IZUMO3: variants seen among roughly 807,000 people sequenced by gnomAD.
IZUMO3 encodes IZUMO family member 3, also known as izumo sperm-egg fusion protein 3.
IZUMO3 carries 36 observed loss-of-function variants against 28.4 expected under a neutral mutation model. That is an observed-to-expected ratio of 1.27 (90% CI 0.97 to 1.67). The LOEUF (loss-of-function observed/expected upper bound fraction) is 1.67. IZUMO3 is among the 40% of genes most tolerant of loss of function. IZUMO3 has a pLI of 0.00. For missense variants in IZUMO3, 387 were observed against 278.5 expected, an observed-to-expected ratio of 1.39 and a Z score of -2.77; for synonymous variants, 126 against 99.2, an observed-to-expected ratio of 1.27 and a Z score of -1.61.
rs759791458 is a variant in IZUMO3 at position 24,543,346 on chromosome 9, A to C, written c.603T>G (p.His201Gln). Residue 201 changes from histidine to glutamine, a missense_variant, in exon 7 of 7, where the codon CAT (histidine) becomes CAG (glutamine). His to Gln is a conservative substitution (Grantham distance 24, BLOSUM62 0). Transcript: ENST00000543880. ...AVLLFHFCIFHRRKMKAIRRS... is the reference protein window; with the variant it reads ...AVLLFHFCIFQRRKMKAIRRS... ...TTCGTATTGCCTTCATTTTCCTCCG[A>C]TGAAAGATGCAAAAATGGAATCTAG... The C allele has an allele frequency of 1.9e-6, 3 of 1,543,280 alleles. No individual in the cohort carries two copies. In the South Asian group the frequency reaches 3.6e-5, roughly 18 times the overall value.
intron 5 of IZUMO3, 140 bp downstream of exon 5, chr9:24,544,061 C>T: frequency 3.0e-6 from 2 of 670,762 alleles, no homozygotes; most frequent in South Asian, 1.8e-5. Context: ...ACCCAACACC[C>T]TAGCTCCATT....
At chr9:24,544,386 C>G in intron 4 of IZUMO3, 105 bp from the exon 5 acceptor site, 1 of 822,142 alleles carries the variant, frequency 1.2e-6, no homozygotes, top group South Asian at 1.5e-5. Context: ...TCCCAGGACT[C>G]TCAAGTTTGC....
At chr9:24,544,877 A>AT (rs1819549542) in intron 3 of IZUMO3, 95 bp downstream of exon 3, 2 of 1,334,220 alleles carry the variant, frequency 1.5e-6, no homozygotes, top group Non-Finnish European at 1.1e-6. Flanking sequence ...CCCATTCTAA[A>AT]TAACTCTATT....
At chr9:24,544,669 A>G in intron 4 of IZUMO3, 74 bp downstream of exon 4, 1 of 1,308,552 alleles carries the variant, frequency 7.6e-7, no homozygotes, top group Non-Finnish European at 1.1e-6. Flanking sequence ...GGTGGGAGAG[A>G]TAGGGCCATA....
intron 6 of IZUMO3, 31 bp downstream of exon 6, chr9:24,543,633 C>G: frequency 1.4e-6 from 2 of 1,424,894 alleles, no homozygotes; most frequent in Non-Finnish European, 1.9e-6. Context: ...GAATATTTGA[C>G]CCAGTGTTTA....
rs571259463 is a variant in IZUMO3 at position 24,545,690 on chromosome 9, G to C, written c.-41C>G. On this transcript the variant is annotated 5_prime_UTR_variant, in exon 1 of 7. Coordinates refer to ENST00000543880, the MANE Select transcript of IZUMO3 (RefSeq NM_001365008.2). ...CGCTCCCCGACAGCAGGTTGTCCTGGCAACTAGTTCACTTAGTTCCTTTTC... is the reference window on the plus strand; with the variant it reads ...CGCTCCCCGACAGCAGGTTGTCCTGCCAACTAGTTCACTTAGTTCCTTTTC... 6.5e-7 allele frequency: 1 copy of C among 1,534,810 alleles called. No homozygotes were observed. Among genetic ancestry groups the C allele is most frequent in the South Asian group, 1.2e-5 (1 of 83,954 alleles).
rs577395518 is a variant in IZUMO3, at chr9:24,544,927, C to G, written c.391+45G>C. On this transcript the variant is annotated intron_variant, in intron 3 of 6. Coordinates refer to ENST00000543880, the MANE Select transcript of IZUMO3 (RefSeq NM_001365008.2). Reference sequence around the variant, plus strand: ...CTTCCCTCATCCCGCATTTTCTATTCCCTTCATATAACTTCAGTGCTGTTA... The same window carrying G: ...CTTCCCTCATCCCGCATTTTCTATTGCCTTCATATAACTTCAGTGCTGTTA... The G allele has an allele frequency of 2.7e-5, 38 of 1,416,988 alleles. No individual in the cohort carries two copies. In the African/African-American group the frequency reaches 5.3e-4, roughly 20 times the overall value. The allele number at this position is 1,416,988 out of a possible 1,614,324, so 87.8% of individuals were successfully genotyped here.
In IZUMO3 at chr9:24,543,692, C is replaced by T. The variant is rs1344699052; in HGVS notation, c.553G>A (p.Ala185Thr). 1 of 1,549,072 alleles carries T rather than the reference C, an allele frequency of 6.5e-7. No individual in the cohort carries two copies. The highest frequency in any genetic ancestry group is 2.0e-5 in the Admixed American group (1 of 50,944). Residue 185 changes from alanine (A) to threonine (T), a missense_variant, in exon 6 of 7, where the codon GCT (alanine) becomes ACT (threonine). Coordinates refer to ENST00000543880, the MANE Select transcript of IZUMO3 (RefSeq NM_001365008.2). ...IALFLILLAT[A>T]VILGSAVLLF... is the part of the protein sequence containing the mutation. ...AACACAGCACTTCCCAGTATTACAGCTGTTGCCAGCAATATGAGAAATAGA... is the reference window on the plus strand; with the variant it reads ...AACACAGCACTTCCCAGTATTACAGTTGTTGCCAGCAATATGAGAAATAGA...
In IZUMO3 at chr9:24,543,160, C is replaced by A; in HGVS notation, c.*69G>T. On this transcript the variant is annotated 3_prime_UTR_variant, in exon 7 of 7. Transcript: ENST00000543880. ...ACTTTATGACCAAGAAAGGGTTTAC[C>A]TCCCAGTTTTGTACTTAGAGTCAAC... The A allele has an allele frequency of 8.0e-7, 1 of 1,253,774 alleles. No homozygotes were observed. Among genetic ancestry groups the A allele is most frequent in the African/African-American group, 1.5e-5 (1 of 64,928 alleles). 77.7% of individuals were successfully genotyped at this position (1,253,774 alleles called of 1,614,324 possible).
At position 24,545,867 on chromosome 9, in the gene IZUMO3, C is replaced by G; in HGVS notation, c.-218G>C. On this transcript the variant is annotated 5_prime_UTR_variant, in exon 1 of 7. Transcript: ENST00000543880. ...TTATCCTTCATTCTAGGAGAGGGAA[C>G]TGCCAGCTGGGGAGCGGATACCTGA... The G allele has an allele frequency of 6.6e-7, 1 of 1,517,260 alleles. No homozygotes were observed. Among genetic ancestry groups the G allele is most frequent in the Non-Finnish European group, 8.9e-7 (1 of 1,126,850 alleles). The allele number at this position is 1,517,260 out of a possible 1,614,324, so 94.0% of individuals were successfully genotyped here. A position where few individuals can be genotyped will look rare whatever the true frequency, so the allele number is the denominator to read the frequency against.
chr9:24,544,144 G>C (rs992295169), intron 5 of IZUMO3, 57 bp downstream of exon 5: 1 of 1,185,408 alleles, frequency 8.4e-7, no homozygotes. Context: ...AAATCAGTGA[G>C]CAACCCTGCT....
At chr9:24,543,389 A>G in intron 6 of IZUMO3, 22 bp from the exon 7 acceptor site, 1 of 1,504,358 alleles carries the variant, frequency 6.6e-7, no homozygotes. Context: ...AAAGAAAATA[A>G]TTCCAACTTC....
chr9:24,543,700 A>C lies in IZUMO3; in HGVS notation c.545T>G (p.Leu182Arg). Residue 182 changes from leucine (L) to arginine (R), a missense_variant, in exon 6 of 7, where the codon CTG (leucine) becomes CGG (arginine). Coordinates refer to ENST00000543880, the MANE Select transcript of IZUMO3 (RefSeq NM_001365008.2). The part of the protein sequence containing the change: ...NREIALFLIL[L>R]ATAVILGSAV... ...ACTTCCCAGTATTACAGCTGTTGCC[A>C]GCAATATGAGAAATAGAGCAATCTC... 1 of 1,549,660 alleles carries C rather than the reference A, an allele frequency of 6.5e-7. No individual in the cohort carries two copies. Among genetic ancestry groups the C allele is most frequent in the Non-Finnish European group, 8.7e-7 (1 of 1,146,308 alleles).
At chr9:24,544,452 T>C (rs1471764973) in intron 4 of IZUMO3, among the ~76,000 whole-genome samples, 171 bp from the exon 5 acceptor site, 1 of 152,134 alleles carries the variant, frequency 6.6e-6, no homozygotes, top group African/African-American at 2.4e-5. Flanking sequence ...GATCAAAATC[T>C]GTAAGTCTGA....
chr9:24,544,204 C>T lies in IZUMO3; in HGVS notation c.487G>A (p.Gly163Arg), dbSNP rs1436342077. The change falls in exon 5 of 7, where the codon GGA (glycine) becomes AGA (arginine). Residue 163 changes from glycine to arginine, a missense_variant. Gly to Arg is a moderately radical substitution (Grantham distance 125, BLOSUM62 -2). Coordinates refer to ENST00000543880, the MANE Select transcript of IZUMO3 (RefSeq NM_001365008.2). ...TCCATACCATGATCTTTGTTACCTC[C>T]ACAATATTCTCCTTTGAAGCACCTG... is the stretch of plus-strand genomic sequence containing the variant. Reference protein sequence around the residue: ...TNRCFKGEYCGDEDPRKAENR... With the variant: ...TNRCFKGEYCRDEDPRKAENR... 3.2e-6 allele frequency: 5 copies of T among 1,547,082 alleles called. No individual in the cohort carries two copies. Among genetic ancestry groups the T allele is most frequent in the African/African-American group, 1.4e-5 (1 of 72,954 alleles).
Position 24,543,073 on chromosome 9 carries a change from G to A in IZUMO3, c.*156C>T. 1.7e-6 allele frequency: 1 copy of A among 582,136 alleles called. No homozygotes were observed. The highest frequency in any genetic ancestry group is 2.7e-6 in the Non-Finnish European group (1 of 363,882). The allele number at this position is 582,136 out of a possible 1,614,324, so 36.1% of individuals were successfully genotyped here. A position where few individuals can be genotyped will look rare whatever the true frequency, so the allele number is the denominator to read the frequency against. ...TCTCCCATTACTTCCGTTGTCTCAG[G>A]ATATCAATAAGCATTTTCATTAGAG... is the stretch of plus-strand genomic sequence containing the variant. On this transcript the variant is annotated 3_prime_UTR_variant, in exon 7 of 7. Coordinates refer to ENST00000543880, the MANE Select transcript of IZUMO3 (RefSeq NM_001365008.2).
rs1339616540 is a variant in IZUMO3, at chr9:24,545,768, T to A, written c.-119A>T. ...GTTCTGGATAGTCTGACTCCACTTT[T>A]CCCGCTGTTTCCATCCCACTATCGG... On this transcript the variant is annotated 5_prime_UTR_variant, in exon 1 of 7. Coordinates refer to ENST00000543880, the MANE Select transcript of IZUMO3 (RefSeq NM_001365008.2). The A allele has an allele frequency of 6.5e-7, 1 of 1,533,766 alleles. No homozygotes were observed. Among genetic ancestry groups the A allele is most frequent in the Non-Finnish European group, 8.8e-7 (1 of 1,140,500 alleles).
chr9:24,545,864 G>C lies in IZUMO3; in HGVS notation c.-215C>G, dbSNP rs1322702152. ...CTATTATCCTTCATTCTAGGAGAGG[G>C]AACTGCCAGCTGGGGAGCGGATACC... On this transcript the variant is annotated 5_prime_UTR_variant, in exon 1 of 7. Coordinates refer to ENST00000543880, the MANE Select transcript of IZUMO3 (RefSeq NM_001365008.2). 1 of 1,520,200 alleles carries C rather than the reference G, an allele frequency of 6.6e-7. No homozygotes were observed. Among genetic ancestry groups the C allele is most frequent in the South Asian group, 1.2e-5 (1 of 82,932 alleles). 94.2% of individuals were successfully genotyped at this position (1,520,200 alleles called of 1,614,324 possible). A position where few individuals can be genotyped will look rare whatever the true frequency, so the allele number is the denominator to read the frequency against.
chr9:24,543,520 A>T (rs1273992385), intron 6 of IZUMO3, 144 bp downstream of exon 6: 1 of 766,698 alleles, frequency 1.3e-6, no homozygotes. Context: ...ATCCCGTCAA[A>T]CTTTGCATTT....
Sources: gnomAD v4.1 joint callset for allele counts (sites outside exome capture counted in the v4.1 genomes callset) on GRCh38, gnomAD v4.1.1 for gene constraint, MANE v1.5 for transcripts, NCBI Gene and HGNC (gene_info 2026-07-23, HGNC 2026-07-21) for gene names.